Variants in APPL2 observed in about 807,000 individuals in gnomAD.
The protein encoded by APPL2 is adaptor protein, phosphotyrosine interacting with PH domain and leucine zipper 2.
In APPL2, 84 loss-of-function variants were observed where a neutral mutation model predicts 92.7. The observed-to-expected ratio is 0.91, with a 90% confidence interval of 0.76 to 1.09. APPL2 has a LOEUF of 1.09. Ranked by LOEUF, APPL2 falls within the 50% of genes least tolerant of loss-of-function variation. APPL2 has a pLI of 0.00. For synonymous variants in APPL2, 291 were observed against 291.0 expected (o/e 1.00, Z 0.00); for missense variants, 736 against 824.5 (o/e 0.89, Z 1.31).
At chr12:105,196,367 T>C (rs992180737) in intron 11 of APPL2, among the ~76,000 whole-genome samples, 11 of 151,126 alleles carry the variant, frequency 7.3e-5, no homozygotes, top group African/African-American at 2.7e-4. Flanking sequence ...CTGCTGCGTA[T>C]GGAGGCCCGG....
chr12:105,217,461 A>G (rs191237559), intron 3 of APPL2, among the ~76,000 whole-genome samples: 10 of 152,312 alleles, frequency 6.6e-5, no homozygotes, highest in Admixed American at 3.9e-4. Context: ...GCAGTTAATT[A>G]CTTCTAGAGG....
intron 14 of APPL2, among the ~76,000 whole-genome samples, chr12:105,191,060 A>G (rs911368814): frequency 3.3e-5 from 5 of 152,232 alleles, no homozygotes; most frequent in African/African-American, 1.2e-4. Context: ...TTGATATGTC[A>G]ATATTTTCCT....
chr12:105,188,018 A>C (rs185508698), intron 17 of APPL2, among the ~76,000 whole-genome samples: 170 of 152,042 alleles, frequency 1.1e-3, no homozygotes, highest in African/African-American at 4.0e-3. Context: ...GCTCTGAGCT[A>C]TAATATAGAG....
chr12:105,232,245 T>G (rs1890978992), intron 1 of APPL2, among the ~76,000 whole-genome samples: 1 of 152,196 alleles, frequency 6.6e-6, no homozygotes, highest in Admixed American at 6.5e-5. Context: ...ATCCATTTTC[T>G]ACTGCCCGAC....
rs372880576 is a variant in APPL2 at position 105,197,676 on chromosome 12, G to A, written c.1052+89C>T. The A allele has an allele frequency of 1.5e-5, 23 of 1,505,296 alleles. No homozygotes were observed. The African/African-American group carries it at 2.0e-4, about 13-fold the overall frequency. The allele number at this position is 1,505,296 out of a possible 1,614,324, so 93.2% of individuals were successfully genotyped here. A position where few individuals can be genotyped will look rare whatever the true frequency, so the allele number is the denominator to read the frequency against. On this transcript the variant is annotated intron_variant, in intron 11 of 20. Transcript: ENST00000258530. ...CAGATTGGGGCCTCTCCCACAGAGG[G>A]CTGGCACATAGGAATGAACTAGGAG...
At chr12:105,213,195 G>T (rs1470053421) in intron 4 of APPL2, among the ~76,000 whole-genome samples, 1 of 152,198 alleles carries the variant, frequency 6.6e-6, no homozygotes, top group Non-Finnish European at 1.5e-5. Flanking sequence ...CAATGGTTAT[G>T]CACTACAGAA....
chr12:105,174,022 G>A lies in APPL2; in HGVS notation c.*292C>T, dbSNP rs978254904. 1 of 239,750 alleles carries A rather than the reference G, an allele frequency of 4.2e-6. No individual in the cohort carries two copies. The highest frequency in any genetic ancestry group is 7.8e-6 in the Non-Finnish European group (1 of 127,514). 14.9% of individuals were successfully genotyped at this position (239,750 alleles called of 1,614,324 possible). ...AAGAGATGACATTCATATGAACAAT[G>A]CATTTTTCAAACTTTTGTTCTGAGC... On this transcript the variant is annotated 3_prime_UTR_variant, in exon 21 of 21. Transcript: ENST00000258530.
At chr12:105,208,073 G>C (rs773936084) in intron 6 of APPL2, 44 bp from the exon 7 acceptor site, 3 of 1,613,520 alleles carry the variant, frequency 1.9e-6, no homozygotes, top group South Asian at 1.1e-5. Flanking sequence ...GGTCAGGGTC[G>C]AAAGGGAAGA....
intron 20 of APPL2, among the ~76,000 whole-genome samples, chr12:105,174,876 T>TGGGGGGGGGG (rs59473626): frequency 2.2e-5 from 2 of 89,008 alleles, no homozygotes; most frequent in Admixed American, 1.2e-4. Flanking sequence ...TTTTTTTTGG[T>TGGGGGGGGGG]GGGGGGGGGG....
intron 6 of APPL2, 54 bp downstream of exon 6, chr12:105,208,104 C>T (rs997446877): frequency 6.8e-6 from 11 of 1,613,546 alleles, no homozygotes; most frequent in Non-Finnish European, 9.3e-6. Context: ...GGGGTCTCCT[C>T]CCCGCCACAG....
chr12:105,199,288 T>G, intron 10 of APPL2, 85 bp downstream of exon 10: 1 of 1,501,208 alleles, frequency 6.7e-7, no homozygotes, highest in Non-Finnish European at 9.0e-7. Flanking sequence ...TCCCTCTGAC[T>G]TTAATGAGGC....
In APPL2 at chr12:105,211,319, T is replaced by C. The variant is rs1889196909; in HGVS notation, c.286-2A>G. 1 of 1,602,484 alleles carries C rather than the reference T, an allele frequency of 6.2e-7. No individual in the cohort carries two copies. Among genetic ancestry groups the C allele is most frequent in the Non-Finnish European group, 8.5e-7 (1 of 1,169,794 alleles). ...CAGCTCTGTATGGAGAAGATTAAGCTGAAAGAAAGAGAATGGTATTCAAGT... is the reference window on the plus strand; with the variant it reads ...CAGCTCTGTATGGAGAAGATTAAGCCGAAAGAAAGAGAATGGTATTCAAGT... On this transcript the variant is annotated splice_acceptor_variant, in intron 4 of 20. Coordinates refer to ENST00000258530, the MANE Select transcript of APPL2 (RefSeq NM_018171.5). LOFTEE classifies it high-confidence loss of function.
At chr12:105,208,102 C>T (rs1383010236) in intron 6 of APPL2, 56 bp downstream of exon 6, 1 of 1,613,378 alleles carries the variant, frequency 6.2e-7, no homozygotes, top group Non-Finnish European at 8.5e-7. Context: ...TGGGGGTCTC[C>T]TCCCCGCCAC....
intron 2 of APPL2, among the ~76,000 whole-genome samples, chr12:105,225,915 T>C (rs1890462760): frequency 6.6e-6 from 1 of 152,250 alleles, no homozygotes; most frequent in African/African-American, 2.4e-5. Flanking sequence ...GTAGTCTGAT[T>C]AAAATATCTT....
At chr12:105,210,270 T>C (rs1047187320) in intron 5 of APPL2, among the ~76,000 whole-genome samples, 6 of 152,150 alleles carry the variant, frequency 3.9e-5, no homozygotes, top group Non-Finnish European at 7.4e-5. Context: ...AATCTTTACC[T>C]TTAAGACTTG....
rs2136109508 is a variant in APPL2 at position 105,236,150 on chromosome 12, G to A, written c.-138C>T. 7.3e-6 allele frequency: 2 copies of A among 272,302 alleles called. No homozygotes were observed. The highest frequency in any genetic ancestry group is 1.9e-4 in the East Asian group (2 of 10,284). 16.9% of individuals were successfully genotyped at this position (272,302 alleles called of 1,614,324 possible). On this transcript the variant is annotated 5_prime_UTR_variant, in exon 1 of 21. Transcript: ENST00000258530. ...CCGCGGCGGCCCCGCGCGCGTCCAC[G>A]CCTGGCCAGTGGCCGCCGCCGCCTG...
At chr12:105,207,502 T>C (rs1279271096) in intron 7 of APPL2, among the ~76,000 whole-genome samples, 1 of 152,254 alleles carries the variant, frequency 6.6e-6, no homozygotes, top group Admixed American at 6.5e-5. Flanking sequence ...TGAAGAAGGC[T>C]GCAGACATTC....
chr12:105,179,285 C>T (rs1020377397), intron 17 of APPL2, among the ~76,000 whole-genome samples: 3 of 152,160 alleles, frequency 2.0e-5, no homozygotes, highest in African/African-American at 7.2e-5. Context: ...TGGTTTCCAG[C>T]TTCATCCATG....
intron 14 of APPL2, among the ~76,000 whole-genome samples, chr12:105,192,122 G>A (rs1161815748): frequency 2.0e-5 from 3 of 152,120 alleles, no homozygotes; most frequent in African/African-American, 7.2e-5. Flanking sequence ...CATCTGCCCA[G>A]GTGTTCAGCT....
Sources: allele counts gnomAD v4.1 joint callset (sites outside exome capture counted in the v4.1 genomes callset), GRCh38; gene constraint gnomAD v4.1.1; transcripts MANE v1.5; gene names NCBI Gene and HGNC (gene_info 2026-07-23, HGNC 2026-07-21).